The following ANKFN1 variants were observed in gnomAD, a reference collection of about 807,000 sequenced individuals.
ANKFN1 encodes ankyrin repeat and fibronectin type-III domain-containing protein 1.
Under a neutral mutation model 108.7 loss-of-function variants are expected in ANKFN1, and 74 were observed. That is an observed-to-expected ratio of 0.68 (90% CI 0.56 to 0.83). The LOEUF (loss-of-function observed/expected upper bound fraction) is 0.83. Among genes scored for constraint, ANKFN1 ranks in the 40% least tolerant of loss-of-function variants. The probability of loss-of-function intolerance (pLI) is 0.00; values close to 1 mark genes in which losing one functional copy is unlikely to be tolerated. For missense variants in ANKFN1, 1,505 were observed against 1,382.3 expected, an observed-to-expected ratio of 1.09 and a Z score of -1.41; for synonymous variants, 547 against 516.2, an observed-to-expected ratio of 1.06 and a Z score of -0.81.
In ANKFN1 at chr17:56,430,500, CCACACACACACACA is replaced by C. The variant is rs60148599; in HGVS notation, c.911-9802_911-9789del. Among the ~76,000 whole-genome samples, 315 of 144,180 alleles carry C rather than the reference CCACACACACACACA, an allele frequency of 2.2e-3. 12 individuals are homozygous for C. In the South Asian group the frequency reaches 0.068, roughly 31 times the overall value. The allele number at this position is 144,180 out of a possible 152,430, so 94.6% of individuals were successfully genotyped here. A position where few individuals can be genotyped will look rare whatever the true frequency, so the allele number is the denominator to read the frequency against. ...AAGAGGGTAGATTTTGATGCTTTTACCACACACACACACACACACACACACACACACACACACAA... is the reference window on the plus strand; with the variant it reads ...AAGAGGGTAGATTTTGATGCTTTTACCACACACACACACACACACACACAA... On this transcript the variant is annotated intron_variant, in intron 8 of 20. Coordinates refer to ENST00000682825, the MANE Select transcript of ANKFN1 (RefSeq NM_001370326.1).
chr17:56,357,769 G>A (rs2046412107), intron 6 of ANKFN1, among the ~76,000 whole-genome samples: 1 of 152,152 alleles, frequency 6.6e-6, no homozygotes, highest in South Asian at 2.1e-4. Context: ...TTCCCCAGAA[G>A]CTAAAGAGGC....
intron 1 of ANKFN1, among the ~76,000 whole-genome samples, chr17:56,158,404 T>C (rs1909314880): frequency 6.6e-6 from 1 of 152,192 alleles, no homozygotes; most frequent in Non-Finnish European, 1.5e-5. Flanking sequence ...CCTTCTTCCA[T>C]CCTGGTGCTT....
At chr17:56,180,907 G>T (rs767239623) in intron 1 of ANKFN1, among the ~76,000 whole-genome samples, 1 of 152,118 alleles carries the variant, frequency 6.6e-6, no homozygotes, top group Non-Finnish European at 1.5e-5. Flanking sequence ...TTGTAGCATC[G>T]AGGAAGGAGT....
At chr17:56,458,706 C>T (rs1380009304) in intron 14 of ANKFN1, among the ~76,000 whole-genome samples, 1 of 152,064 alleles carries the variant, frequency 6.6e-6, no homozygotes, top group Non-Finnish European at 1.5e-5. Context: ...AAAATATCTG[C>T]TACATGGGAT....
chr17:56,061,265 CTT>C (rs71137190), intron 4 of ANKFN1, among the ~76,000 whole-genome samples: 27 of 72,912 alleles, frequency 3.7e-4, no homozygotes, highest in Admixed American at 6.8e-4. Context: ...GGTAGTTTTT[CTT>C]TTTTTTTTTT....
intron 18 of ANKFN1, among the ~76,000 whole-genome samples, chr17:56,488,971 C>T (rs553878816): frequency 6.6e-6 from 1 of 152,332 alleles, no homozygotes; most frequent in African/African-American, 2.4e-5. Context: ...ACTTTATATA[C>T]ATTGTATTAC....
intron 3 of ANKFN1, among the ~76,000 whole-genome samples, chr17:56,295,242 G>C (rs2044474756): frequency 6.6e-6 from 1 of 152,176 alleles, no homozygotes; most frequent in Admixed American, 6.5e-5. Context: ...CTTTCTAGTT[G>C]TATCACCACT....
chr17:56,252,463 A>C (rs1001415548), intron 3 of ANKFN1, among the ~76,000 whole-genome samples: 1 of 152,234 alleles, frequency 6.6e-6, no homozygotes, highest in African/African-American at 2.4e-5. Flanking sequence ...AAATACTTAC[A>C]GTGTAATATG....
intron 1 of ANKFN1, among the ~76,000 whole-genome samples, chr17:56,185,560 C>T (rs1228074188): frequency 6.6e-6 from 1 of 152,112 alleles, no homozygotes; most frequent in Admixed American, 6.5e-5. Flanking sequence ...AATGTGCCCT[C>T]CAGGACAGTG....
chr17:56,262,125 T>C (rs958557381), intron 3 of ANKFN1, among the ~76,000 whole-genome samples: 6 of 152,140 alleles, frequency 3.9e-5, no homozygotes, highest in African/African-American at 1.4e-4. Context: ...TCCCAAATAC[T>C]AGGCAGGTTG....
intron 6 of ANKFN1, among the ~76,000 whole-genome samples, chr17:56,363,669 C>G (rs888754725): frequency 1.3e-5 from 2 of 152,058 alleles, no homozygotes; most frequent in African/African-American, 4.8e-5. Context: ...TGAAATTAAC[C>G]TAAGTATCAA....
chr17:56,423,887 T>A (rs983569563), intron 8 of ANKFN1, among the ~76,000 whole-genome samples: 9 of 152,220 alleles, frequency 5.9e-5, no homozygotes, highest in Non-Finnish European at 1.3e-4. Flanking sequence ...TTTGTTTACA[T>A]CCCTGTCACC....
At chr17:56,409,849 C>A (rs951962207) in intron 8 of ANKFN1, among the ~76,000 whole-genome samples, 1 of 150,716 alleles carries the variant, frequency 6.6e-6, no homozygotes, top group African/African-American at 2.4e-5. Context: ...AGTTCCTCTA[C>A]TTAGCTGTGT....
intron 3 of ANKFN1, among the ~76,000 whole-genome samples, chr17:56,267,748 T>C (rs1218763267): frequency 6.6e-6 from 1 of 152,202 alleles, no homozygotes; most frequent in Non-Finnish European, 1.5e-5. Flanking sequence ...ATTTCATTGG[T>C]CTATGTGTCT....
chr17:56,489,645 T>G (rs1313160085), intron 18 of ANKFN1, among the ~76,000 whole-genome samples: 1 of 152,104 alleles, frequency 6.6e-6, no homozygotes, highest in Non-Finnish European at 1.5e-5. Flanking sequence ...CAGATCAGAC[T>G]GATAGTGTTT....
intron 3 of ANKFN1, among the ~76,000 whole-genome samples, chr17:56,228,901 T>A (rs1916494748): frequency 6.6e-6 from 1 of 152,132 alleles, no homozygotes; most frequent in Admixed American, 6.6e-5. Flanking sequence ...GACATTCTAG[T>A]ACCTATCAGA....
intron 4 of ANKFN1, among the ~76,000 whole-genome samples, chr17:56,065,303 C>G (rs146475511): frequency 4.6e-5 from 7 of 152,152 alleles, no homozygotes; most frequent in Non-Finnish European, 1.5e-5. Flanking sequence ...GGAATGTTGT[C>G]GCTGGTTTTA....
chr17:56,220,862 GGAAGGA>G (rs1915828857), intron 2 of ANKFN1, among the ~76,000 whole-genome samples: 2 of 64,058 alleles, frequency 3.1e-5, no homozygotes, highest in African/African-American at 2.7e-4. Context: ...AAGGAAGGAA[GGAAGGA>G]AGGGAGGGAG....
intron 3 of ANKFN1, among the ~76,000 whole-genome samples, chr17:56,300,588 TTG>T: frequency 1.4e-5 from 2 of 143,676 alleles, no homozygotes. Flanking sequence ...ACACAGGAAA[TTG>T]TTTTTTTTTT....
Sources: gnomAD v4.1 joint callset for allele counts (sites outside exome capture counted in the v4.1 genomes callset) on GRCh38, gnomAD v4.1.1 for gene constraint, MANE v1.5 for transcripts, NCBI Gene and HGNC (gene_info 2026-07-23, HGNC 2026-07-21) for gene names.